FASTKD1: variants seen among roughly 807,000 people sequenced by gnomAD.
FASTKD1 encodes the protein FAST kinase domain-containing protein 1, mitochondrial.
FASTKD1 carries 94 observed loss-of-function variants against 90.9 expected under a neutral mutation model. That is an observed-to-expected ratio of 1.03 (90% CI 0.88 to 1.23). FASTKD1 has a LOEUF of 1.23. Among genes scored for constraint, FASTKD1 ranks in the 50% most tolerant of loss-of-function variants. FASTKD1 has a pLI of 0.00. For synonymous variants in FASTKD1, 319 were observed against 345.8 expected (o/e 0.92, Z 0.86); for missense variants, 945 against 993.5 (o/e 0.95, Z 0.66).
At chr2:169,538,298 A>G (rs3816351) in intron 10 of FASTKD1, among the ~76,000 whole-genome samples, 157 bp from the exon 11 acceptor site, 7,211 of 152,180 alleles carry the variant, frequency 0.047, 199 homozygotes, top group East Asian at 0.12. Flanking sequence ...TATGCTTTAT[A>G]TTTTTAAATT....
At chr2:169,563,650 G>A (rs1040882143) in intron 3 of FASTKD1, among the ~76,000 whole-genome samples, 5 of 151,982 alleles carry the variant, frequency 3.3e-5, no homozygotes, top group African/African-American at 1.2e-4. Context: ...CTACAACAGT[G>A]CTATGAATTT....
At chr2:169,532,065 G>C (rs1684514488) in intron 12 of FASTKD1, among the ~76,000 whole-genome samples, 1 of 152,118 alleles carries the variant, frequency 6.6e-6, no homozygotes, top group South Asian at 2.1e-4. Flanking sequence ...GCTGACAGGG[G>C]AACTTTCTGT....
Position 169,560,367 on chromosome 2 carries a change from G to A in FASTKD1, c.971+20C>T. 6.6e-7 allele frequency: 1 copy of A among 1,512,126 alleles called. No individual in the cohort carries two copies. Among genetic ancestry groups the A allele is most frequent in the Non-Finnish European group, 8.8e-7 (1 of 1,137,566 alleles). 93.7% of individuals were successfully genotyped at this position (1,512,126 alleles called of 1,614,324 possible). On this transcript the variant is annotated intron_variant, in intron 5 of 14. Transcript: ENST00000453153. Reference sequence around the variant, plus strand: ...ACGTATTCACAACAAAAAAAGTAATGCATTTTAAACTGAACTTACTGTTTC... The same window carrying A: ...ACGTATTCACAACAAAAAAAGTAATACATTTTAAACTGAACTTACTGTTTC...
At chr2:169,564,182 A>T (rs918305075) in intron 3 of FASTKD1, among the ~76,000 whole-genome samples, 2 of 152,208 alleles carry the variant, frequency 1.3e-5, no homozygotes, top group Admixed American at 6.5e-5. Context: ...GAAACAAAAA[A>T]ATTTAAGAGA....
chr2:169,564,914 C>G (rs530443118), intron 3 of FASTKD1, among the ~76,000 whole-genome samples: 1 of 149,942 alleles, frequency 6.7e-6, no homozygotes, highest in Admixed American at 6.7e-5. Context: ...TTTTTTACGG[C>G]TGAATATTAC....
chr2:169,546,729 T>G, intron 7 of FASTKD1, 25 bp from the exon 8 acceptor site: 1 of 1,579,678 alleles, frequency 6.3e-7, no homozygotes, highest in Non-Finnish European at 8.6e-7. Context: ...ATGAAAAGAA[T>G]ACATCAGCAA....
rs1685201482 is a variant in FASTKD1 at position 169,546,435 on chromosome 2, T to C, written c.1484A>G (p.Asn495Ser). ...HYGRQRLQHS[N>S]SLDLLRKELK... ...TTCCTTCCGTAACAGATCCAAACTG[T>C]TGCTGTGTTGTAGTCTCTGACGACC... The change falls in exon 8 of 15, where the codon AAC becomes AGC. Residue 495 changes from asparagine (N) to serine (S), a missense_variant. Coordinates refer to ENST00000453153, the MANE Select transcript of FASTKD1 (RefSeq NM_024622.6). 6.2e-7 allele frequency: 1 copy of C among 1,614,188 alleles called. No homozygotes were observed. The highest frequency in any genetic ancestry group is 8.5e-7 in the Non-Finnish European group (1 of 1,180,010).
intron 9 of FASTKD1, among the ~76,000 whole-genome samples, chr2:169,543,530 T>C (rs1355536852): frequency 6.6e-6 from 1 of 152,124 alleles, no homozygotes; most frequent in African/African-American, 2.4e-5. Context: ...AGGTAGTAGA[T>C]GGTACTTGTT....
chr2:169,568,542 C>T (rs1684089797), intron 3 of FASTKD1, among the ~76,000 whole-genome samples: 1 of 147,464 alleles, frequency 6.8e-6, no homozygotes, highest in South Asian at 2.1e-4. Context: ...CATATAAACC[C>T]AGCACTTTGT....
At chr2:169,552,810 A>G (rs988989005) in intron 7 of FASTKD1, among the ~76,000 whole-genome samples, 9 of 152,134 alleles carry the variant, frequency 5.9e-5, no homozygotes, top group African/African-American at 1.9e-4. Context: ...TACATTACTC[A>G]GGTGACAGGT....
chr2:169,569,183 C>A lies in FASTKD1; in HGVS notation c.446+1G>T. The A allele has an allele frequency of 8.1e-6, 13 of 1,613,752 alleles. No individual in the cohort carries two copies. The highest frequency in any genetic ancestry group is 1.1e-5 in the Non-Finnish European group (13 of 1,179,728). ...CTTCAAGATGAACCCAGGGTACTTG[C>A]CTTTCTAGCCTTCTCCATGCTTCTG... On this transcript the variant is annotated splice_donor_variant, in intron 3 of 14. Transcript: ENST00000453153. LOFTEE classifies it high-confidence loss of function.
chr2:169,539,132 G>A (rs995006208), intron 10 of FASTKD1, among the ~76,000 whole-genome samples: 4 of 151,892 alleles, frequency 2.6e-5, no homozygotes, highest in Non-Finnish European at 5.9e-5. Context: ...GCCGGGCATG[G>A]TGGCACATAC....
intron 4 of FASTKD1, among the ~76,000 whole-genome samples, chr2:169,562,381 C>T (rs986977386): frequency 4.0e-5 from 6 of 151,634 alleles, no homozygotes; most frequent in East Asian, 3.9e-4. Context: ...TACAGGCGCC[C>T]GCCACCATGC....
Position 169,546,466 on chromosome 2 carries a change from G to T in FASTKD1, c.1453C>A (p.His485Asn), listed in dbSNP as rs1258422539. ...KQLKLLQKLD[H>N]YGRQRLQHSN... ...TGTTGTAGTCTCTGACGACCATAGT[G>T]ATCTAATTTTTGAAGTAGTTTCAGT... is the stretch of plus-strand genomic sequence containing the variant. Residue 485 changes from histidine (H) to asparagine (N), a missense_variant, in exon 8 of 15, where the codon CAC (histidine) becomes AAC (asparagine). Physicochemically the swap from His to Asn is moderately conservative, Grantham distance 68. Transcript: ENST00000453153. 1 of 1,614,138 alleles carries T rather than the reference G, an allele frequency of 6.2e-7. No individual in the cohort carries two copies. The highest frequency in any genetic ancestry group is 1.3e-5 in the African/African-American group (1 of 75,044).
intron 12 of FASTKD1, among the ~76,000 whole-genome samples, chr2:169,535,781 A>T (rs1240082356): frequency 6.6e-6 from 1 of 152,246 alleles, no homozygotes; most frequent in Non-Finnish European, 1.5e-5. Context: ...CTCTGCCTCA[A>T]CATTACTTCT....
intron 6 of FASTKD1, among the ~76,000 whole-genome samples, chr2:169,556,434 TCAAAAAAAAAAAA>T: frequency 8.7e-6 from 1 of 114,806 alleles, no homozygotes; most frequent in East Asian, 3.0e-4. Context: ...ATACCCTGTC[TCAAAAAAAAAAAA>T]CAAAAAAAAA....
chr2:169,560,674 G>C lies in FASTKD1; in HGVS notation c.684C>G (p.Val228=). The change falls in exon 5 of 15, where the codon GTC becomes GTG. Residue 228 remains valine, a synonymous_variant. Transcript: ENST00000453153. ...LLFDTIDSSE[V]NVAKSIAKFL... ...ACTTTGCTATGCTTTTTGCAACGTT[G>C]ACCTCAGAAGAATCTATGGTGTCAA... The C allele has an allele frequency of 6.2e-7, 1 of 1,612,140 alleles. No individual in the cohort carries two copies. The highest frequency in any genetic ancestry group is 8.5e-7 in the Non-Finnish European group (1 of 1,179,464).
intron 10 of FASTKD1, among the ~76,000 whole-genome samples, chr2:169,539,740 G>A (rs1684886350): frequency 6.6e-6 from 1 of 152,032 alleles, no homozygotes; most frequent in East Asian, 1.9e-4. Flanking sequence ...CTCCAGCCTG[G>A]GCAACAGAGT....
intron 2 of FASTKD1, among the ~76,000 whole-genome samples, chr2:169,569,581 T>C (rs1215458545): frequency 6.6e-6 from 1 of 152,214 alleles, no homozygotes; most frequent in African/African-American, 2.4e-5. Flanking sequence ...TCAGGCATGG[T>C]GGCTCACACC....
Sources: gnomAD v4.1 joint callset for allele counts (sites outside exome capture counted in the v4.1 genomes callset) on GRCh38, gnomAD v4.1.1 for gene constraint, MANE v1.5 for transcripts, NCBI Gene and HGNC (gene_info 2026-07-23, HGNC 2026-07-21) for gene names.